Variants in FOXP1 observed in about 807,000 individuals in gnomAD.
The protein encoded by FOXP1 is forkhead box P1, also known as forkhead box protein P1.
Under a neutral mutation model 98.2 loss-of-function variants are expected in FOXP1, and 15 were observed. The observed-to-expected ratio is 0.15, with a 90% CI of 0.10 to 0.24. The LOEUF (loss-of-function observed/expected upper bound fraction) is 0.24. Ranked by LOEUF, FOXP1 falls within the 10% of genes least tolerant of loss-of-function variation. The pLI, the probability that FOXP1 is intolerant of heterozygous loss-of-function variation, is 1.00. For synonymous variants in FOXP1, 371 were observed against 314.5 expected (o/e 1.18, Z -1.90); for missense variants, 633 against 848.5 (o/e 0.75, Z 3.15).
chr3:71,181,878 C>A (rs2062318967), intron 6 of FOXP1, among the ~76,000 whole-genome samples: 1 of 151,318 alleles, frequency 6.6e-6, no homozygotes, highest in Admixed American at 6.6e-5. Flanking sequence ...TAAAAAAATA[C>A]AAAAAAATTA....
Position 71,449,369 on chromosome 3 carries a change from C to T in FOXP1, c.-168+44057G>A, listed in dbSNP as rs563299145. Among the ~76,000 whole-genome samples, 6 of 152,192 alleles carry T rather than the reference C, an allele frequency of 3.9e-5. No individual in the cohort carries two copies. The East Asian group carries it at 7.7e-4, about 20-fold the overall frequency. On this transcript the variant is annotated intron_variant, in intron 3 of 20. Transcript: ENST00000649528. ...ACACCCTCTGTGGCTCCCCTTAATCCGGTGTTAAAAGAAGTGAAATGTAAT... is the reference window on the plus strand; with the variant it reads ...ACACCCTCTGTGGCTCCCCTTAATCTGGTGTTAAAAGAAGTGAAATGTAAT...
chr3:71,226,299 C>T (rs2106686775), intron 5 of FOXP1, among the ~76,000 whole-genome samples: 1 of 152,278 alleles, frequency 6.6e-6, no homozygotes, highest in East Asian at 1.9e-4. Flanking sequence ...TGGGCTCTTT[C>T]TTGCAGGGGA....
intron 3 of FOXP1, among the ~76,000 whole-genome samples, chr3:71,441,167 A>C (rs1376329985): frequency 6.6e-6 from 1 of 152,226 alleles, no homozygotes; most frequent in Non-Finnish European, 1.5e-5. Flanking sequence ...AGTAAGGGTA[A>C]ATAACTTTGC....
At chr3:71,163,403 T>C (rs776277237) in intron 6 of FOXP1, among the ~76,000 whole-genome samples, 1 of 152,174 alleles carries the variant, frequency 6.6e-6, no homozygotes, top group African/African-American at 2.4e-5. Flanking sequence ...CTGTTTGAAA[T>C]ATGTAGTAGA....
intron 2 of FOXP1, among the ~76,000 whole-genome samples, chr3:71,560,484 A>C (rs932258412): frequency 7.9e-5 from 12 of 152,222 alleles, no homozygotes; most frequent in Non-Finnish European, 1.8e-4. Flanking sequence ...CCACTTTGGG[A>C]AACTGTTTGG....
At chr3:71,490,969 G>A (rs886831798) in intron 3 of FOXP1, among the ~76,000 whole-genome samples, 1 of 151,998 alleles carries the variant, frequency 6.6e-6, no homozygotes, top group African/African-American at 2.4e-5. Flanking sequence ...AACAGACCGA[G>A]GCTTTGTTCT....
chr3:70,970,696 T>C, intron 19 of FOXP1, 40 bp downstream of exon 19: 1 of 1,458,004 alleles, frequency 6.9e-7, no homozygotes. Context: ...AGGGGAGACC[T>C]GTGCCTCTGC....
intron 6 of FOXP1, among the ~76,000 whole-genome samples, chr3:71,152,999 C>A (rs2060646774): frequency 6.6e-6 from 1 of 152,210 alleles, no homozygotes; most frequent in African/African-American, 2.4e-5. Context: ...GGCAGGCACT[C>A]CCAAGTCACC....
intron 2 of FOXP1, among the ~76,000 whole-genome samples, chr3:71,536,916 C>T (rs142088092): frequency 6.6e-5 from 10 of 152,202 alleles, no homozygotes; most frequent in Non-Finnish European, 1.5e-4. Context: ...GCAGCGATGA[C>T]GGCCACGCAG....
At chr3:71,545,570 T>C (rs2045292675) in intron 2 of FOXP1, among the ~76,000 whole-genome samples, 1 of 152,240 alleles carries the variant, frequency 6.6e-6, no homozygotes, top group African/African-American at 2.4e-5. Flanking sequence ...ATTTATCTTC[T>C]AGAACATTAT....
At chr3:71,053,593 G>A (rs2050206397) in intron 8 of FOXP1, 43 bp downstream of exon 8, 1 of 1,613,048 alleles carries the variant, frequency 6.2e-7, no homozygotes, top group African/African-American at 1.3e-5. Flanking sequence ...GGGGCCCCTG[G>A]GTTCTGGGGG....
chr3:71,236,990 T>C (rs1284170315), intron 5 of FOXP1, among the ~76,000 whole-genome samples: 1 of 151,416 alleles, frequency 6.6e-6, no homozygotes, highest in Non-Finnish European at 1.5e-5. Flanking sequence ...TCCCAGCACT[T>C]TGAAAGGCCG....
In FOXP1 at chr3:71,543,979, CTATA is replaced by C. The variant is rs561218020; in HGVS notation, c.-298+37566_-298+37569del. Among the ~76,000 whole-genome samples, 482 of 141,560 alleles carry C rather than the reference CTATA, an allele frequency of 3.4e-3. 4 individuals carry two copies. The highest frequency in any genetic ancestry group is 7.3e-3 in the South Asian group (34 of 4,658). 92.9% of individuals were successfully genotyped at this position (141,560 alleles called of 152,430 possible). ...TGCTGTGCCTGTGTGTGTTTACACA[CTATA>C]TATACACATATACACACATGTATGT... On this transcript the variant is annotated intron_variant, in intron 2 of 20. Transcript: ENST00000649528.
At chr3:71,551,234 T>C (rs1247723097) in intron 2 of FOXP1, among the ~76,000 whole-genome samples, 1 of 152,148 alleles carries the variant, frequency 6.6e-6, no homozygotes, top group Non-Finnish European at 1.5e-5. Flanking sequence ...CAAGGTTCCA[T>C]CCACAAAAAC....
chr3:71,171,410 A>C (rs2061646296), intron 6 of FOXP1, among the ~76,000 whole-genome samples: 1 of 152,212 alleles, frequency 6.6e-6, no homozygotes, highest in African/African-American at 2.4e-5. Flanking sequence ...CTGGGGGAAC[A>C]ATATCTGAAG....
chr3:71,346,376 G>A (rs1488491522), intron 4 of FOXP1, among the ~76,000 whole-genome samples: 2 of 152,174 alleles, frequency 1.3e-5, no homozygotes, highest in African/African-American at 4.8e-5. Flanking sequence ...TGTTTTTGTT[G>A]GGTGGAAGAG....
intron 5 of FOXP1, among the ~76,000 whole-genome samples, chr3:71,266,531 C>A (rs1392604588): frequency 6.6e-6 from 1 of 152,174 alleles, no homozygotes; most frequent in African/African-American, 2.4e-5. Context: ...AGATTACAGG[C>A]ATGAGCCACT....
In FOXP1 at chr3:70,958,163, G is replaced by T; in HGVS notation, c.*1084C>A. ...GTGCTGCCTATGTTTCCTTGTGCTG[G>T]TAGAATGTGGTGGCATTTATTAATG... On this transcript the variant is annotated 3_prime_UTR_variant, in exon 21 of 21. Coordinates refer to ENST00000649528, the MANE Select transcript of FOXP1 (RefSeq NM_001349338.3). 2.6e-6 allele frequency: 1 copy of T among 379,418 alleles called. No individual in the cohort carries two copies. Among genetic ancestry groups the T allele is most frequent in the Non-Finnish European group, 5.0e-6 (1 of 199,724 alleles). The allele number at this position is 379,418 out of a possible 1,614,324, so 23.5% of individuals were successfully genotyped here. A position where few individuals can be genotyped will look rare whatever the true frequency, so the allele number is the denominator to read the frequency against.
chr3:71,335,899 G>T (rs2076634187), intron 4 of FOXP1, among the ~76,000 whole-genome samples: 1 of 151,128 alleles, frequency 6.6e-6, no homozygotes, highest in African/African-American at 2.4e-5. Flanking sequence ...CAGCTACTCA[G>T]GAGGCTAAGG....
Sources: gnomAD v4.1 joint callset for allele counts (sites outside exome capture counted in the v4.1 genomes callset) on GRCh38, gnomAD v4.1.1 for gene constraint, MANE v1.5 for transcripts, NCBI Gene and HGNC (gene_info 2026-07-23, HGNC 2026-07-21) for gene names.